The following NUDT17 variants were observed in gnomAD, a reference collection of about 807,000 sequenced individuals.
NUDT17 encodes nudix hydrolase 17.
In NUDT17, 38 loss-of-function variants were observed where a neutral mutation model predicts 38.6. That is an observed-to-expected ratio of 0.98 (90% CI 0.76 to 1.29). NUDT17 has a LOEUF of 1.29. Among genes scored for constraint, NUDT17 ranks in the 50% most tolerant of loss-of-function variants. The pLI, the probability that NUDT17 is intolerant of heterozygous loss-of-function variation, is 0.00. For synonymous variants in NUDT17, 192 were observed against 167.8 expected (o/e 1.14, Z -1.11); for missense variants, 462 against 415.2 (o/e 1.11, Z -0.98).
rs112245472 is a variant in NUDT17, at chr1:145,848,128, G to A, written c.748G>A (p.Glu250Lys). 2,035 of 1,613,704 alleles carry A rather than the reference G, an allele frequency of 1.3e-3. 20 individuals carry two copies. In the African/African-American group the frequency reaches 0.023, roughly 19 times the overall value. ...PPSVLAVELE[E>K]DGRARPLVLH... The stretch of plus-strand genomic sequence containing the variant: ...ACCATGCAGTGCAGTGGAACTAGAG[G>A]AGGATGGAAGAGCCCGACCTCTGGT... Residue 250 changes from glutamate to lysine, a missense_variant, in exon 7 of 8, where the codon GAG (glutamate) becomes AAG (lysine). Coordinates refer to ENST00000334513, the MANE Select transcript of NUDT17 (RefSeq NM_001012758.3).
intron 6 of NUDT17, 31 bp from the exon 7 acceptor site, chr1:145,848,081 C>T: frequency 6.2e-7 from 1 of 1,612,042 alleles, no homozygotes; most frequent in East Asian, 2.2e-5. Flanking sequence ...AGCTACAAGG[C>T]ACAGCCCCAA....
Position 145,847,362 on chromosome 1 carries a change from TG to T in NUDT17, c.594+15del. 1 of 1,582,804 alleles carries T rather than the reference TG, an allele frequency of 6.3e-7. No individual in the cohort carries two copies. Among genetic ancestry groups the T allele is most frequent in the Non-Finnish European group, 8.6e-7 (1 of 1,162,074 alleles). ...CAGCAGTTGCAGGTAGGGCTGGCAGTGAGGGAAGGAAACAGGGCTCAGGGGA... is the reference window on the plus strand; with the variant it reads ...CAGCAGTTGCAGGTAGGGCTGGCAGTAGGGAAGGAAACAGGGCTCAGGGGA... On this transcript the variant is annotated intron_variant, in intron 5 of 7. Coordinates refer to ENST00000334513, the MANE Select transcript of NUDT17 (RefSeq NM_001012758.3).
At chr1:145,847,196 A>T in intron 4 of NUDT17, 54 bp from the exon 5 acceptor site, 2 of 786,692 alleles carry the variant, frequency 2.5e-6, no homozygotes, top group Non-Finnish European at 1.9e-6. Context: ...CTCCATCTTA[A>T]AAAAAAAAAA....
At position 145,848,515 on chromosome 1, in the gene NUDT17, A is replaced by T. The variant is rs1553733330; in HGVS notation, c.*36A>T. On this transcript the variant is annotated 3_prime_UTR_variant, in exon 8 of 8. Transcript: ENST00000334513. Reference sequence around the variant, plus strand: ...CCCCTCCCTAGCCCATCTCCATGACACTCACAGAACATTCACAACCTTTAT... The same window carrying T: ...CCCCTCCCTAGCCCATCTCCATGACTCTCACAGAACATTCACAACCTTTAT... 1 of 1,384,244 alleles carries T rather than the reference A, an allele frequency of 7.2e-7. No homozygotes were observed. The highest frequency in any genetic ancestry group is 1.8e-5 in the Admixed American group (1 of 54,982). The allele number at this position is 1,384,244 out of a possible 1,614,324, so 85.7% of individuals were successfully genotyped here.
Position 145,847,309 on chromosome 1 carries a change from T to C in NUDT17, c.555T>C (p.Tyr185=). The C allele has an allele frequency of 2.5e-6, 4 of 1,611,926 alleles. No individual in the cohort carries two copies. The Admixed American group carries it at 6.7e-5, about 27-fold the overall frequency. Residue 185 remains tyrosine, a synonymous_variant, in exon 5 of 8, where the codon TAT becomes TAC. Coordinates refer to ENST00000334513, the MANE Select transcript of NUDT17 (RefSeq NM_001012758.3). ...CCAAATACCATCACATTGTTCTGTA[T>C]CTACTCGTGATCTCCCAGGAATCAC... ...GLPKYHHIVL[Y]LLVISQESQQ... is the part of the protein sequence containing the mutation.
At chr1:145,846,567 G>A (rs1314901818) in intron 3 of NUDT17, 31 bp from the exon 4 acceptor site, 1 of 1,607,732 alleles carries the variant, frequency 6.2e-7, no homozygotes, top group Non-Finnish European at 8.5e-7. Context: ...TCAGGCACTG[G>A]CCCCTCTGAT....
Position 145,846,183 on chromosome 1 carries a change from C to G in NUDT17, c.363C>G (p.Leu121=), listed in dbSNP as rs1553732430. 1.3e-6 allele frequency: 2 copies of G among 1,589,058 alleles called. No individual in the cohort carries two copies. The highest frequency in any genetic ancestry group is 2.7e-5 in the African/African-American group (2 of 74,506). ...RARTLSVSPN[L]WVPPGGHVEL... ...GCACCCTGAGCGTTTCCCCCAACCTCTGGGTACCCCCGGGTGAGTATTCTG... is the reference window on the plus strand; with the variant it reads ...GCACCCTGAGCGTTTCCCCCAACCTGTGGGTACCCCCGGGTGAGTATTCTG... The change falls in exon 2 of 8, where the codon CTC becomes CTG. Residue 121 remains leucine, a synonymous_variant. Transcript: ENST00000334513.
Position 145,847,350 on chromosome 1 carries a change from T to G in NUDT17, c.594+2T>G. ...CAGGAATCACAGCAGCAGTTGCAGG[T>G]AGGGCTGGCAGTGAGGGAAGGAAAC... On this transcript the variant is annotated splice_donor_variant, in intron 5 of 7. Transcript: ENST00000334513. LOFTEE classifies it high-confidence loss of function. 1 of 1,602,802 alleles carries G rather than the reference T, an allele frequency of 6.2e-7. No homozygotes were observed.
chr1:145,847,921 T>C (rs782011283), intron 6 of NUDT17, among the ~76,000 whole-genome samples, 191 bp from the exon 7 acceptor site: 2 of 152,162 alleles, frequency 1.3e-5, no homozygotes, highest in African/African-American at 2.4e-5. Context: ...CTGGCTAGCA[T>C]TGAAGGTCTA....
In NUDT17 at chr1:145,848,198, A is replaced by T; in HGVS notation, c.818A>T (p.Glu273Val). The T allele has an allele frequency of 6.2e-7, 1 of 1,614,248 alleles. No homozygotes were observed. The highest frequency in any genetic ancestry group is 1.7e-5 in the Admixed American group (1 of 60,030). ...CTGCGGATGATCCCAACCATGGCAGAGGACAAAGAGAGAGTCAGCACTGGA... is the reference window on the plus strand; with the variant it reads ...CTGCGGATGATCCCAACCATGGCAGTGGACAAAGAGAGAGTCAGCACTGGA... The part of the protein sequence containing the change: ...TLLRMIPTMA[E>V]DKERVSTGTK... Residue 273 changes from glutamate (E) to valine (V), a missense_variant, in exon 7 of 8, where the codon GAG (glutamate) becomes GTG (valine). Coordinates refer to ENST00000334513, the MANE Select transcript of NUDT17 (RefSeq NM_001012758.3).
At position 145,845,831 on chromosome 1, in the gene NUDT17, A is replaced by C. The variant is rs781858734; in HGVS notation, c.191A>C (p.Gln64Pro). 1 of 1,591,066 alleles carries C rather than the reference A, an allele frequency of 6.3e-7. No individual in the cohort carries two copies. Among genetic ancestry groups the C allele is most frequent in the Non-Finnish European group, 8.6e-7 (1 of 1,169,144 alleles). The change falls in exon 1 of 8, where the codon CAG becomes CCG. Residue 64 changes from glutamine (Q) to proline (P), a missense_variant and splice_region_variant. Physicochemically the swap from Gln to Pro is moderately conservative, Grantham distance 76 (BLOSUM62 -1). Transcript: ENST00000334513. ...GGCGCCTCCGCTAGGCTTCCGCTCC[A>C]GGTCGGCAGAAGGGGGCCCCAGAGC... ...FPGASARLPL[Q>P]RPPFCPFAAL...
chr1:145,846,753 G>A (rs587638373), intron 4 of NUDT17, 63 bp downstream of exon 4: 1 of 1,112,622 alleles, frequency 9.0e-7, no homozygotes, highest in African/African-American at 1.5e-5. Flanking sequence ...TGGCTACAAG[G>A]GAAACAATAG....
chr1:145,845,723 G>A lies in NUDT17; in HGVS notation c.83G>A (p.Gly28Glu). The A allele has an allele frequency of 6.4e-7, 1 of 1,557,332 alleles. No individual in the cohort carries two copies. Among genetic ancestry groups the A allele is most frequent in the Non-Finnish European group, 8.7e-7 (1 of 1,150,628 alleles). ...GCACGGAGTGTGTGTGGCCTCCTGG[G>A]AGCCGGACCAGGGCTCGGGACGTGG... ...SFARSVCGLL[G>E]AGPGLGTWPI... The change falls in exon 1 of 8, where the codon GGA (glycine) becomes GAA (glutamate). Residue 28 changes from glycine to glutamate, a missense_variant. Transcript: ENST00000334513.
In NUDT17 at chr1:145,846,135, T is replaced by C. The variant is rs781887361; in HGVS notation, c.315T>C (p.Thr105=). ...VAVILQSSDK[T]VLLTRRARTL... ...TCATTCTGCAGTCCAGCGACAAGACTGTCTTGCTAACCCGAAGGGCACGCA... is the reference window on the plus strand; with the variant it reads ...TCATTCTGCAGTCCAGCGACAAGACCGTCTTGCTAACCCGAAGGGCACGCA... Residue 105 remains threonine (T), a synonymous_variant, in exon 2 of 8, where the codon ACT becomes ACC. Transcript: ENST00000334513. 13 of 1,600,032 alleles carry C rather than the reference T, an allele frequency of 8.1e-6. No individual in the cohort carries two copies. Among genetic ancestry groups the C allele is most frequent in the Non-Finnish European group, 8.5e-6 (10 of 1,173,796 alleles).
At position 145,847,685 on chromosome 1, in the gene NUDT17, G is replaced by C. The variant is rs139528449; in HGVS notation, c.697G>C (p.Gly233Arg). Residue 233 changes from glycine (G) to arginine (R), a missense_variant, in exon 6 of 8, where the codon GGA becomes CGA. Gly to Arg is a moderately radical substitution (Grantham distance 125, BLOSUM62 -2). Transcript: ENST00000334513. ...CGCAGAGGATGGGACAGAGACACCCGGACTTCTCCCCCAGGACCTACCACC... is the reference window on the plus strand; with the variant it reads ...CGCAGAGGATGGGACAGAGACACCCCGACTTCTCCCCCAGGACCTACCACC... ...AAAEDGTETP[G>R]LLPQDLPPSV... 1.2e-6 allele frequency: 2 copies of C among 1,614,040 alleles called. No individual in the cohort carries two copies. Among genetic ancestry groups the C allele is most frequent in the Non-Finnish European group, 1.7e-6 (2 of 1,180,012 alleles).
chr1:145,848,057 G>GT, intron 6 of NUDT17, 55 bp from the exon 7 acceptor site: 1 of 1,605,004 alleles, frequency 6.2e-7, no homozygotes, highest in Non-Finnish European at 8.5e-7. Flanking sequence ...TAACATATAT[G>GT]TAAGTTCTTT....
rs967352634 is a variant in NUDT17 at position 145,847,419 on chromosome 1, G to A, written c.594+71G>A. The A allele has an allele frequency of 8.8e-6, 12 of 1,371,200 alleles. 1 individual carries two copies. The Admixed American group carries it at 2.2e-4, about 25-fold the overall frequency. The allele number at this position is 1,371,200 out of a possible 1,614,324, so 84.9% of individuals were successfully genotyped here. ...AGCAACCTGGTTCTGACTGTGATTA[G>A]GAGCTGGGCGGGGGTGGCGGGGGTA... On this transcript the variant is annotated intron_variant, in intron 5 of 7. Coordinates refer to ENST00000334513, the MANE Select transcript of NUDT17 (RefSeq NM_001012758.3).
Position 145,846,200 on chromosome 1 carries a change from A to T in NUDT17, c.376+4A>T. ...CCCAACCTCTGGGTACCCCCGGGTG[A>T]GTATTCTGGGGACAAGGCCCCAAGT... On this transcript the variant is annotated splice_donor_region_variant and intron_variant, in intron 2 of 7. Transcript: ENST00000334513. 6.3e-7 allele frequency: 1 copy of T among 1,580,138 alleles called. No individual in the cohort carries two copies. Among genetic ancestry groups the T allele is most frequent in the South Asian group, 1.2e-5 (1 of 86,722 alleles).
chr1:145,848,273 G>A lies in NUDT17; in HGVS notation c.884+9G>A. The A allele has an allele frequency of 6.2e-7, 1 of 1,612,966 alleles. No individual in the cohort carries two copies. Among genetic ancestry groups the A allele is most frequent in the Non-Finnish European group, 8.5e-7 (1 of 1,179,550 alleles). On this transcript the variant is annotated intron_variant, in intron 7 of 7. Transcript: ENST00000334513. ...CTGCAACATCTGGGCAGGTAAAAGT[G>A]AAAAAGGACTGGAGAGCTCCACAGT...
Sources: allele counts gnomAD v4.1 joint callset (sites outside exome capture counted in the v4.1 genomes callset), GRCh38; gene constraint gnomAD v4.1.1; transcripts MANE v1.5; gene names NCBI Gene and HGNC (gene_info 2026-07-23, HGNC 2026-07-21).